The following ITSN1 variants were observed in gnomAD, a reference collection of about 807,000 sequenced individuals.
The protein encoded by ITSN1 is intersectin 1.
In ITSN1, 58 loss-of-function variants were observed where a neutral mutation model predicts 239.8. The observed-to-expected ratio is 0.24, with a 90% CI of 0.20 to 0.30. The LOEUF (loss-of-function observed/expected upper bound fraction) is 0.30. Ranked by LOEUF, ITSN1 falls within the 10% of genes least tolerant of loss-of-function variation. The pLI is 1.00. For synonymous variants in ITSN1, 780 were observed against 770.8 expected (o/e 1.01, Z -0.20); for missense variants, 1,558 against 2,103.3 (o/e 0.74, Z 5.07).
Position 33,888,297 on chromosome 21 carries a change from G to A in ITSN1, c.5163G>A (p.Pro1721=), listed in dbSNP as rs144206450. The A allele has an allele frequency of 1.1e-4, 182 of 1,611,716 alleles. No homozygotes were observed. The highest frequency in any genetic ancestry group is 1.4e-4 in the Non-Finnish European group (163 of 1,178,822). ...TGGACCTGCAGTTGTTTGATGAGCC[G>A]TAGGCAGCGGGCTCAGGGTGTGCTC... ...VRLDLQLFDE[P] The change falls in exon 40 of 40, where the codon CCG becomes CCA. Residue 1721 remains proline, a synonymous_variant. Coordinates refer to ENST00000381318, the MANE Select transcript of ITSN1 (RefSeq NM_003024.3).
chr21:33,733,201 A>G lies in ITSN1; in HGVS notation c.186-1843A>G, dbSNP rs565487204. Reference sequence around the variant, plus strand: ...CAAATCATTGTAATATTGACCTGGAAATTGTTCAGTCAGAACAGATAGTCC... The same window carrying G: ...CAAATCATTGTAATATTGACCTGGAGATTGTTCAGTCAGAACAGATAGTCC... On this transcript the variant is annotated intron_variant, in intron 4 of 39. Coordinates refer to ENST00000381318, the MANE Select transcript of ITSN1 (RefSeq NM_003024.3). Among the ~76,000 whole-genome samples, 3 of 152,316 alleles carry G rather than the reference A, an allele frequency of 2.0e-5. No individual in the cohort carries two copies. In the South Asian group the frequency reaches 6.2e-4, roughly 32 times the overall value.
At position 33,888,200 on chromosome 21, in the gene ITSN1, A is replaced by G. The variant is rs1325502152; in HGVS notation, c.5066A>G (p.Gln1689Arg). The change falls in exon 40 of 40, where the codon CAG (glutamine) becomes CGG (arginine). Residue 1689 changes from glutamine (Q) to arginine (R), a missense_variant. Physicochemically the swap from Gln to Arg is conservative, Grantham distance 43. Transcript: ENST00000381318. ...CGTGTGGCGGACATCAAGAAAGACCAGGGCTCCAAAGGTCCAGTTACGAAG... is the reference window on the plus strand; with the variant it reads ...CGTGTGGCGGACATCAAGAAAGACCGGGGCTCCAAAGGTCCAGTTACGAAG... Reference protein sequence around the residue: ...EIRVADIKKDQGSKGPVTKCL... With the variant: ...EIRVADIKKDRGSKGPVTKCL... 1 of 1,614,134 alleles carries G rather than the reference A, an allele frequency of 6.2e-7. No homozygotes were observed. Among genetic ancestry groups the G allele is most frequent in the African/African-American group, 1.3e-5 (1 of 75,036 alleles).
chr21:33,643,065 G>T (rs1601377667), intron 1 of ITSN1, among the ~76,000 whole-genome samples: 1 of 150,354 alleles, frequency 6.7e-6, no homozygotes, highest in Non-Finnish European at 1.5e-5. Context: ...GACCCCGGGC[G>T]GCCGCTCCTT....
chr21:33,829,396 C>A, intron 26 of ITSN1: 1 of 538,998 alleles, frequency 1.9e-6, no homozygotes. Flanking sequence ...ACAAGGGAGT[C>A]TGCAGCCCAC....
intron 1 of ITSN1, among the ~76,000 whole-genome samples, chr21:33,662,271 C>T (rs2089616905): frequency 6.6e-6 from 1 of 152,148 alleles, no homozygotes; most frequent in South Asian, 2.1e-4. Context: ...GAGTCATTTT[C>T]CCTTTGATTT....
intron 38 of ITSN1, among the ~76,000 whole-genome samples, chr21:33,885,727 G>T (rs1985685740): frequency 6.6e-6 from 1 of 152,108 alleles, no homozygotes; most frequent in Admixed American, 6.5e-5. Context: ...TTCTCCGAGG[G>T]ATCTGAGTGG....
chr21:33,838,192 A>G, intron 29 of ITSN1: 2 of 985,340 alleles, frequency 2.0e-6, no homozygotes, highest in Non-Finnish European at 2.4e-6. Flanking sequence ...TGCTCACAGC[A>G]CAGAAAATGG....
intron 4 of ITSN1, among the ~76,000 whole-genome samples, chr21:33,732,238 T>G (rs999026745): frequency 1.4e-4 from 21 of 152,128 alleles, no homozygotes; most frequent in African/African-American, 3.4e-4. Flanking sequence ...TTATCAGACT[T>G]TAAGAGCCTC....
At chr21:33,692,064 C>T (rs2146676999) in intron 1 of ITSN1, among the ~76,000 whole-genome samples, 1 of 152,260 alleles carries the variant, frequency 6.6e-6, no homozygotes, top group African/African-American at 2.4e-5. Context: ...GGGTGATTCT[C>T]ACTAAACTGA....
Position 33,772,261 on chromosome 21 carries a change from A to G in ITSN1, c.1243A>G (p.Lys415Glu). The G allele has an allele frequency of 6.3e-7, 1 of 1,593,642 alleles. No individual in the cohort carries two copies. The highest frequency in any genetic ancestry group is 8.6e-7 in the Non-Finnish European group (1 of 1,169,438). ...ACTGGAACTGGAGAAGCAACTGGAA[A>G]AGCAGCGGGAGCTAGAACGGCAGAG... The part of the protein sequence containing the change: ...RQLELEKQLE[K>E]QRELERQREE... The change falls in exon 12 of 40, where the codon AAG becomes GAG. Residue 415 changes from lysine to glutamate, a missense_variant. By Grantham distance (56) the Lys-to-Glu change is moderately conservative. Around this residue, in one of 2 missense-constraint regions of ITSN1, gnomAD observed 982 missense variants for 1,209.9 expected, o/e 0.81. Coordinates refer to ENST00000381318, the MANE Select transcript of ITSN1 (RefSeq NM_003024.3).
At chr21:33,747,214 T>G (rs2067235855) in intron 5 of ITSN1, among the ~76,000 whole-genome samples, 1 of 152,102 alleles carries the variant, frequency 6.6e-6, no homozygotes, top group Admixed American at 6.6e-5. Flanking sequence ...CACAGGGTCT[T>G]AATAGCAGAT....
intron 5 of ITSN1, chr21:33,735,405 CA>C (rs1371289602): frequency 3.1e-6 from 2 of 642,030 alleles, no homozygotes; most frequent in Admixed American, 4.8e-5. Flanking sequence ...GTAAAGTAAT[CA>C]AAATGAAAGC....
intron 1 of ITSN1, among the ~76,000 whole-genome samples, chr21:33,715,273 TA>T (rs5843619): frequency 1 from 152,265 of 152,266 alleles, 76,132 homozygotes; most frequent in Middle Eastern, 1. Context: ...CTAGGAAATC[TA>T]AAGAGATTCA....
intron 9 of ITSN1, among the ~76,000 whole-genome samples, chr21:33,762,856 G>T (rs1338125159): frequency 6.6e-6 from 1 of 151,796 alleles, no homozygotes; most frequent in African/African-American, 2.4e-5. Context: ...TAGAGACAGG[G>T]TGTTGCCATG....
At chr21:33,853,571 T>C (rs534965854) in intron 29 of ITSN1, among the ~76,000 whole-genome samples, 1 of 152,266 alleles carries the variant, frequency 6.6e-6, no homozygotes, top group African/African-American at 2.4e-5. Context: ...TCCCCATAGG[T>C]CCTTCTTTCC....
intron 28 of ITSN1, among the ~76,000 whole-genome samples, chr21:33,835,159 C>G (rs1326264818): frequency 6.6e-6 from 1 of 151,998 alleles, no homozygotes; most frequent in Non-Finnish European, 1.5e-5. Flanking sequence ...CTGTATGTAC[C>G]CAGTGAGATA....
chr21:33,784,680 T>G (rs991929143), intron 16 of ITSN1, among the ~76,000 whole-genome samples: 8 of 152,216 alleles, frequency 5.3e-5, no homozygotes, highest in African/African-American at 1.9e-4. Context: ...ATCAAAAGAT[T>G]TATAGAATTT....
chr21:33,761,436 T>C (rs939740328), intron 8 of ITSN1, among the ~76,000 whole-genome samples: 1 of 152,070 alleles, frequency 6.6e-6, no homozygotes, highest in African/African-American at 2.4e-5. Context: ...TAAGTCTGTT[T>C]AGTGAAACAG....
At chr21:33,769,050 C>T (rs949999890) in intron 11 of ITSN1, among the ~76,000 whole-genome samples, 5 of 151,860 alleles carry the variant, frequency 3.3e-5, no homozygotes, top group African/African-American at 1.2e-4. Context: ...TTGGTGTAGA[C>T]TGGGGAAGAT....
Sources: allele counts gnomAD v4.1 joint callset (sites outside exome capture counted in the v4.1 genomes callset), GRCh38; gene constraint gnomAD v4.1.1; regional missense constraint gnomAD v4.1.1; transcripts MANE v1.5; gene names NCBI Gene and HGNC (gene_info 2026-07-23, HGNC 2026-07-21).